Variants in PTPRG observed in about 807,000 individuals in gnomAD.
PTPRG encodes protein tyrosine phosphatase receptor type G.
A neutral mutation model predicts 165.3 loss-of-function variants in PTPRG; 102 were observed. The observed-to-expected ratio is 0.62, with a 90% confidence interval of 0.53 to 0.73. The LOEUF (loss-of-function observed/expected upper bound fraction) is 0.73. PTPRG is among the 30% of genes least tolerant of loss of function. The pLI is 0.00. For missense variants in PTPRG, 1,866 were observed against 1,861.4 expected, an observed-to-expected ratio of 1.00 and a Z score of -0.05; for synonymous variants, 675 against 669.5, an observed-to-expected ratio of 1.01 and a Z score of -0.13.
chr3:61,859,611 G>GT (rs63081460), intron 2 of PTPRG, among the ~76,000 whole-genome samples: 15,789 of 145,846 alleles, frequency 0.11, 1,217 homozygotes, highest in African/African-American at 0.23. Context: ...ATAGTCCATA[G>GT]TTTTTTTTTT....
Position 61,592,822 on chromosome 3 carries a change from C to G in PTPRG, c.85+30450C>G, listed in dbSNP as rs141500777. Among the ~76,000 whole-genome samples, 14 of 152,190 alleles carry G rather than the reference C, an allele frequency of 9.2e-5. No homozygotes were observed. In the East Asian group the frequency reaches 2.7e-3, roughly 29 times the overall value. ...TGTTAGGAAGACATCCATTTTCCCC[C>G]ACAAGTTCCCATAAAAGCCGTGGGG... On this transcript the variant is annotated intron_variant, in intron 1 of 29. Coordinates refer to ENST00000474889, the MANE Select transcript of PTPRG (RefSeq NM_002841.4).
intron 2 of PTPRG, among the ~76,000 whole-genome samples, chr3:61,801,251 G>T (rs2035232142): frequency 6.6e-6 from 1 of 151,850 alleles, no homozygotes; most frequent in Non-Finnish European, 1.5e-5. Context: ...GCCCTCAGGT[G>T]CTCTCCAGGT....
At chr3:62,147,948 A>T (rs950084493) in intron 6 of PTPRG, among the ~76,000 whole-genome samples, 1 of 152,114 alleles carries the variant, frequency 6.6e-6, no homozygotes, top group Admixed American at 6.5e-5. Context: ...GTTCAAGACC[A>T]GCCTGGCTAA....
chr3:61,883,993 G>C (rs546315745), intron 2 of PTPRG, among the ~76,000 whole-genome samples: 20 of 152,282 alleles, frequency 1.3e-4, no homozygotes, highest in African/African-American at 4.3e-4. Context: ...TGGGATTACA[G>C]GTGTACAACA....
At chr3:62,290,234 G>A (rs1189006732) in intron 28 of PTPRG, among the ~76,000 whole-genome samples, 2 of 152,058 alleles carry the variant, frequency 1.3e-5, no homozygotes, top group African/African-American at 4.8e-5. Context: ...ATGGAGAAAA[G>A]ACATTGTGTT....
In PTPRG at chr3:61,761,835, A is replaced by C. The variant is rs548046381; in HGVS notation, c.190+12853A>C. ...ATGAAATTTTGCTGCTCCCAAAGGC[A>C]TCATTTAGTAGCTCTGCCCCAATTA... On this transcript the variant is annotated intron_variant, in intron 2 of 29. Transcript: ENST00000474889. 1.0e-3 allele frequency among the ~76,000 whole-genome samples: 155 copies of C among 152,330 alleles called. 1 individual carries two copies. The highest frequency in any genetic ancestry group is 1.1e-3 in the Non-Finnish European group (77 of 68,014).
At chr3:61,877,260 A>G (rs1357176056) in intron 2 of PTPRG, among the ~76,000 whole-genome samples, 4 of 152,238 alleles carry the variant, frequency 2.6e-5, no homozygotes, top group Non-Finnish European at 5.9e-5. Context: ...GAGCACAGAA[A>G]CATGCCTTAG....
chr3:61,669,368 A>C (rs1336952499), intron 1 of PTPRG, among the ~76,000 whole-genome samples: 1 of 148,964 alleles, frequency 6.7e-6, no homozygotes, highest in Admixed American at 6.8e-5. Context: ...GGATGCTGGT[A>C]CCGGTATCAA....
rs568471326 is a variant in PTPRG, at chr3:61,746,596, G to C, written c.86-2282G>C. ...ACTTGGTCCTCAACCACCCCCCGAG[G>C]CTTCCACTTTGTCTAATACCTTCAG... is the stretch of plus-strand genomic sequence containing the variant. On this transcript the variant is annotated intron_variant, in intron 1 of 29. Coordinates refer to ENST00000474889, the MANE Select transcript of PTPRG (RefSeq NM_002841.4). 3.3e-5 allele frequency among the ~76,000 whole-genome samples: 5 copies of C among 152,090 alleles called. No individual in the cohort carries two copies. The East Asian group carries it at 9.7e-4, about 29-fold the overall frequency.
intron 1 of PTPRG, among the ~76,000 whole-genome samples, chr3:61,581,609 CTTTTT>C (rs138750100): frequency 1.6e-4 from 22 of 137,066 alleles, no homozygotes; most frequent in Admixed American, 2.2e-4. Context: ...TTCTTTTTTT[CTTTTT>C]TTTTTTTTTT....
intron 4 of PTPRG, among the ~76,000 whole-genome samples, chr3:62,021,654 G>A (rs1210637743): frequency 2.0e-5 from 3 of 152,092 alleles, no homozygotes; most frequent in East Asian, 1.9e-4. Context: ...CTTTACCTTC[G>A]TGAATTGAGA....
At position 62,193,232 on chromosome 3, in the gene PTPRG, T is replaced by C. The variant is rs542758784; in HGVS notation, c.1218+1579T>C. Among the ~76,000 whole-genome samples, 3 of 152,202 alleles carry C rather than the reference T, an allele frequency of 2.0e-5. No individual in the cohort carries two copies. In the East Asian group the frequency reaches 5.8e-4, roughly 29 times the overall value. ...GTTCTAAGTGGAAAATAATTAAACA[T>C]GCAAAGATGAATAGATACCGTCTTG... On this transcript the variant is annotated intron_variant, in intron 9 of 29. Coordinates refer to ENST00000474889, the MANE Select transcript of PTPRG (RefSeq NM_002841.4).
At chr3:61,727,460 A>C (rs1395311709) in intron 1 of PTPRG, among the ~76,000 whole-genome samples, 1 of 152,230 alleles carries the variant, frequency 6.6e-6, no homozygotes, top group Admixed American at 6.5e-5. Context: ...CCCATATCAA[A>C]AAGTTAAAAC....
intron 4 of PTPRG, among the ~76,000 whole-genome samples, chr3:62,077,208 G>A (rs1291861183): frequency 2.0e-5 from 3 of 152,094 alleles, no homozygotes; most frequent in Non-Finnish European, 2.9e-5. Flanking sequence ...GGAGGCCGCA[G>A]TGAGCCGTGG....
At chr3:61,897,938 G>GT (rs1051626094) in intron 2 of PTPRG, among the ~76,000 whole-genome samples, 2 of 151,692 alleles carry the variant, frequency 1.3e-5, no homozygotes, top group Admixed American at 6.6e-5. Context: ...GTTTTAGGAG[G>GT]TTTTTTTTCA....
chr3:61,849,344 C>G (rs2036894675), intron 2 of PTPRG, among the ~76,000 whole-genome samples: 1 of 152,138 alleles, frequency 6.6e-6, no homozygotes, highest in Non-Finnish European at 1.5e-5. Context: ...TGGGAACCTG[C>G]AGCATGGGAA....
At chr3:62,276,583 T>G (rs1326271828) in intron 24 of PTPRG, 1 of 181,928 alleles carries the variant, frequency 5.5e-6, no homozygotes, top group African/African-American at 2.4e-5. Flanking sequence ...TCTAAGACCA[T>G]CATGAGCAGA....
chr3:61,654,642 T>C (rs1263864989), intron 1 of PTPRG, among the ~76,000 whole-genome samples: 1 of 152,112 alleles, frequency 6.6e-6, no homozygotes, highest in Non-Finnish European at 1.5e-5. Flanking sequence ...CGCCTCAGCC[T>C]CCCAAAGTGC....
At chr3:62,102,159 T>C (rs1448965866) in intron 5 of PTPRG, among the ~76,000 whole-genome samples, 4 of 152,222 alleles carry the variant, frequency 2.6e-5, no homozygotes, top group South Asian at 2.1e-4. Flanking sequence ...TTGTTTCTTA[T>C]CCATTTTTGC....
Sources: allele counts gnomAD v4.1 joint callset (sites outside exome capture counted in the v4.1 genomes callset), GRCh38; gene constraint gnomAD v4.1.1; transcripts MANE v1.5; gene names NCBI Gene and HGNC (gene_info 2026-07-23, HGNC 2026-07-21).